TEX9: variants seen among roughly 807,000 people sequenced by gnomAD.
TEX9 encodes the protein testis expressed 9.
Under a neutral mutation model 59.6 loss-of-function variants are expected in TEX9, and 74 were observed. The observed-to-expected ratio is 1.24, with a 90% CI of 1.03 to 1.51. TEX9 has a LOEUF of 1.51. Ranked by LOEUF, TEX9 falls within the 40% of genes most tolerant of loss-of-function variation. The pLI is 0.00. For synonymous variants in TEX9, 186 were observed against 152.2 expected, an observed-to-expected ratio of 1.22 and a Z score of -1.64; for missense variants, 522 against 447.8, an observed-to-expected ratio of 1.17 and a Z score of -1.49.
intron 9 of TEX9, among the ~76,000 whole-genome samples, chr15:56,401,329 A>AAAAAC (rs2048767558): frequency 4.7e-5 from 7 of 150,412 alleles, no homozygotes; most frequent in Non-Finnish European, 7.4e-5. Context: ...AAAAAAAAAA[A>AAAAAC]AAACAGGGGT....
intron 1 of TEX9, among the ~76,000 whole-genome samples, chr15:56,340,054 C>T (rs140202597): frequency 1.1e-3 from 160 of 152,202 alleles, no homozygotes; most frequent in East Asian, 2.7e-3. Flanking sequence ...TGATGGGTAC[C>T]ACTAAGCCTG....
intron 9 of TEX9, among the ~76,000 whole-genome samples, chr15:56,411,695 G>C (rs1004997204): frequency 5.3e-5 from 8 of 152,116 alleles, no homozygotes; most frequent in Non-Finnish European, 1.5e-5. Context: ...TATCCTCTAG[G>C]TTCATGTTTC....
At chr15:56,398,948 A>G (rs1337578760) in intron 9 of TEX9, among the ~76,000 whole-genome samples, 3 of 152,184 alleles carry the variant, frequency 2.0e-5, no homozygotes, top group Admixed American at 2.0e-4. Flanking sequence ...CCTGGCTAAC[A>G]TGGTGAAACC....
At chr15:56,260,735 G>A (rs965279449) in intron 1 of TEX9, among the ~76,000 whole-genome samples, 1 of 151,820 alleles carries the variant, frequency 6.6e-6, no homozygotes, top group Non-Finnish European at 1.5e-5. Flanking sequence ...TCATATTTTT[G>A]TGTTAGGGTT....
chr15:56,370,982 CA>C (rs1204273208), intron 2 of TEX9, among the ~76,000 whole-genome samples: 83 of 152,098 alleles, frequency 5.5e-4, no homozygotes, highest in Non-Finnish European at 3.2e-4. Flanking sequence ...TCAGCCTCCC[CA>C]GTAGCTGAGA....
intron 1 of TEX9, among the ~76,000 whole-genome samples, chr15:56,253,279 C>T (rs2044071272): frequency 6.6e-6 from 1 of 151,890 alleles, no homozygotes; most frequent in Admixed American, 6.6e-5. Context: ...AAAATTTTGC[C>T]TACACCAAGC....
intron 12 of TEX9, among the ~76,000 whole-genome samples, chr15:56,435,584 A>C (rs1596255217): frequency 6.6e-6 from 1 of 152,056 alleles, no homozygotes; most frequent in Admixed American, 6.6e-5. Flanking sequence ...GAAATGGATC[A>C]CTTCCTTGAG....
At chr15:56,263,584 C>T (rs2044315884) in intron 1 of TEX9, among the ~76,000 whole-genome samples, 1 of 152,002 alleles carries the variant, frequency 6.6e-6, no homozygotes, top group Non-Finnish European at 1.5e-5. Context: ...CAGTAAAGTT[C>T]ACCATTCTTA....
intron 1 of TEX9, among the ~76,000 whole-genome samples, chr15:56,334,480 C>T (rs1054983592): frequency 9.2e-5 from 14 of 152,074 alleles, no homozygotes; most frequent in South Asian, 2.1e-4. Context: ...AATTGGACCT[C>T]GGTCTCGTGC....
At chr15:56,412,908 G>C (rs1311739236) in intron 10 of TEX9, among the ~76,000 whole-genome samples, 1 of 152,100 alleles carries the variant, frequency 6.6e-6, no homozygotes, top group Non-Finnish European at 1.5e-5. Flanking sequence ...CAGAATTTCT[G>C]ATTTAATAGG....
rs186349415 is a variant in TEX9, at chr15:56,389,334, T to C, written c.329T>C (p.Ile110Thr). 2.4e-5 allele frequency: 39 copies of C among 1,611,134 alleles called. 1 individual carries two copies. In the East Asian group the frequency reaches 7.2e-4, roughly 30 times the overall value. Residue 110 changes from isoleucine to threonine, a missense_variant, in exon 6 of 13, where the codon ATT becomes ACT. By Grantham distance (89) the Ile-to-Thr change is moderately conservative. Transcript: ENST00000352903. ...TTCATGTAGCCAAAGACCAAAAACA[T>C]TGATCCTGTAAACAAGGTTCAAAAC...
chr15:56,376,600 T>C (rs2047465299), intron 3 of TEX9, among the ~76,000 whole-genome samples: 1 of 152,166 alleles, frequency 6.6e-6, no homozygotes, highest in African/African-American at 2.4e-5. Flanking sequence ...TTAAATTGGA[T>C]TATTAGATTA....
At chr15:56,249,343 A>C (rs2043951272) in intron 1 of TEX9, among the ~76,000 whole-genome samples, 1 of 152,004 alleles carries the variant, frequency 6.6e-6, no homozygotes, top group Non-Finnish European at 1.5e-5. Flanking sequence ...ATGCAGTGTC[A>C]ATGTTATTTC....
intron 9 of TEX9, among the ~76,000 whole-genome samples, chr15:56,402,046 A>G (rs1224474051): frequency 6.6e-6 from 1 of 152,218 alleles, no homozygotes; most frequent in Admixed American, 6.5e-5. Context: ...TCTAAAATTG[A>G]CACCCTAACA....
intron 10 of TEX9, among the ~76,000 whole-genome samples, chr15:56,425,717 G>T (rs1328054391): frequency 6.6e-6 from 1 of 151,952 alleles, no homozygotes; most frequent in Non-Finnish European, 1.5e-5. Context: ...GTTTCTTTAG[G>T]ATACACTTCT....
chr15:56,373,878 C>T (rs1309686836), intron 3 of TEX9, among the ~76,000 whole-genome samples: 1 of 151,952 alleles, frequency 6.6e-6, no homozygotes, highest in Non-Finnish European at 1.5e-5. Flanking sequence ...CCTCCCTATG[C>T]CCCAAAATGG....
chr15:56,368,946 A>C (rs1367955411), intron 2 of TEX9, among the ~76,000 whole-genome samples: 1 of 151,974 alleles, frequency 6.6e-6, no homozygotes, highest in Non-Finnish European at 1.5e-5. Context: ...ACTGGGGTGG[A>C]TTAATTTTTT....
intron 9 of TEX9, chr15:56,409,751 A>ACTACAGCACTTCCCACATC (rs2049258907): frequency 6.6e-6 from 1 of 151,980 alleles, no homozygotes; most frequent in Non-Finnish European, 1.5e-5. Flanking sequence ...CCCACATTGG[A>ACTACAGCACTTCCCACATC]CTCCCGAAGT....
At chr15:56,404,736 T>C (rs1368289207) in intron 9 of TEX9, among the ~76,000 whole-genome samples, 2 of 152,196 alleles carry the variant, frequency 1.3e-5, no homozygotes, top group African/African-American at 4.8e-5. Context: ...CCAACCCAAA[T>C]GTCCATCAAT....
Sources: gnomAD v4.1 joint callset for allele counts (sites outside exome capture counted in the v4.1 genomes callset) on GRCh38, gnomAD v4.1.1 for gene constraint, MANE v1.5 for transcripts, NCBI Gene and HGNC (gene_info 2026-07-23, HGNC 2026-07-21) for gene names.